KDM5B: variants seen among roughly 807,000 people sequenced by gnomAD.
The protein encoded by KDM5B is lysine demethylase 5B.
Under a neutral mutation model 193.4 loss-of-function variants are expected in KDM5B, and 144 were observed. The observed-to-expected ratio is 0.74, with a 90% CI of 0.65 to 0.86. The LOEUF (loss-of-function observed/expected upper bound fraction) is 0.86, where lower values mean the gene tolerates loss of function less well. KDM5B is among the 40% of genes least tolerant of loss of function. The pLI, the probability that KDM5B is intolerant of heterozygous loss-of-function variation, is 0.00. For synonymous variants in KDM5B, 668 were observed against 682.6 expected (o/e 0.98, Z 0.33); for missense variants, 1,833 against 1,886.9 (o/e 0.97, Z 0.53).
At chr1:202,734,297 T>TAAA (rs35019533) in intron 22 of KDM5B, among the ~76,000 whole-genome samples, 40 of 102,542 alleles carry the variant, frequency 3.9e-4, no homozygotes, top group Admixed American at 1.0e-3. Context: ...TTATCTCTAT[T>TAAA]AAAAAAAAAA....
At chr1:202,778,661 C>T (rs1657063433) in intron 1 of KDM5B, among the ~76,000 whole-genome samples, 2 of 152,152 alleles carry the variant, frequency 1.3e-5, no homozygotes. Flanking sequence ...TTCGCTCTGT[C>T]ACCCAGGCTG....
chr1:202,746,875 C>G (rs1430153000), intron 14 of KDM5B, among the ~76,000 whole-genome samples: 1 of 152,120 alleles, frequency 6.6e-6, no homozygotes, highest in Non-Finnish European at 1.5e-5. Context: ...AAAATTTGTG[C>G]AATAGCAAAG....
intron 11 of KDM5B, among the ~76,000 whole-genome samples, 189 bp downstream of exon 11, chr1:202,755,082 G>T (rs1433883685): frequency 5.9e-5 from 9 of 152,198 alleles, no homozygotes; most frequent in Non-Finnish European, 2.9e-5. Context: ...GGAATTCATG[G>T]ATGCTCTAGG....
In KDM5B at chr1:202,808,261, C is replaced by T; in HGVS notation, c.45G>A (p.Leu15=). 1 of 1,609,750 alleles carries T rather than the reference C, an allele frequency of 6.2e-7. No individual in the cohort carries two copies. The highest frequency in any genetic ancestry group is 8.5e-7 in the Non-Finnish European group (1 of 1,178,612). The change falls in exon 1 of 27, where the codon CTG becomes CTA. Residue 15 remains leucine, a synonymous_variant. Coordinates refer to ENST00000367265, the MANE Select transcript of KDM5B (RefSeq NM_006618.5). The stretch of plus-strand genomic sequence containing the variant: ...CCAGCGGGCCCGGGCCCCCGAGGGG[C>T]AGCGCCGGGCGCGGGCCTGGGTGCA... ...TTLHPGPRPA[L]PLGGPGPLGE...
intron 4 of KDM5B, among the ~76,000 whole-genome samples, chr1:202,769,757 A>G (rs1656635122): frequency 6.6e-6 from 1 of 151,570 alleles, no homozygotes; most frequent in Non-Finnish European, 1.5e-5. Flanking sequence ...TTTTGAAAAA[A>G]TTTGTATAGA....
intron 1 of KDM5B, among the ~76,000 whole-genome samples, chr1:202,780,434 C>T (rs1272113681): frequency 6.6e-6 from 1 of 152,170 alleles, no homozygotes; most frequent in Non-Finnish European, 1.5e-5. Flanking sequence ...AAATGATCCA[C>T]CTGCCTAAGC....
At chr1:202,742,987 G>A (rs763200670) in intron 16 of KDM5B, among the ~76,000 whole-genome samples, 182 bp from the exon 17 acceptor site, 8 of 152,024 alleles carry the variant, frequency 5.3e-5, no homozygotes, top group Non-Finnish European at 8.8e-5. Flanking sequence ...GGCTGAACAC[G>A]GAGTTTTTTA....
intron 1 of KDM5B, among the ~76,000 whole-genome samples, chr1:202,793,650 T>C (rs985122199): frequency 6.6e-6 from 1 of 152,198 alleles, no homozygotes; most frequent in African/African-American, 2.4e-5. Context: ...CTCTATTCTT[T>C]CCACAAAATC....
chr1:202,798,386 GCA>G (rs1474009710), intron 1 of KDM5B, among the ~76,000 whole-genome samples: 1 of 145,470 alleles, frequency 6.9e-6, no homozygotes, highest in Non-Finnish European at 1.5e-5. Flanking sequence ...CCTCCCACCT[GCA>G]CCTCCCCAAG....
intron 1 of KDM5B, chr1:202,807,218 C>G (rs1658332532): frequency 6.6e-6 from 1 of 152,294 alleles, no homozygotes; most frequent in African/African-American, 2.4e-5. Flanking sequence ...CAAACACGGC[C>G]TCGCCCGGAC....
intron 4 of KDM5B, among the ~76,000 whole-genome samples, chr1:202,771,420 T>C (rs544022642): frequency 6.3e-4 from 96 of 151,420 alleles, no homozygotes; most frequent in Non-Finnish European, 1.0e-3. Flanking sequence ...TTTGTATTTT[T>C]AGTAAATGCG....
rs1413245352 is a variant in KDM5B at position 202,727,932 on chromosome 1, C to G, written c.*1104G>C. 2 of 152,654 alleles carry G rather than the reference C, an allele frequency of 1.3e-5. No individual in the cohort carries two copies. Among genetic ancestry groups the G allele is most frequent in the African/African-American group, 2.4e-5 (1 of 41,450 alleles). The allele number at this position is 152,654 out of a possible 1,614,324, so 9.5% of individuals were successfully genotyped here. On this transcript the variant is annotated 3_prime_UTR_variant, in exon 27 of 27. Coordinates refer to ENST00000367265, the MANE Select transcript of KDM5B (RefSeq NM_006618.5). ...GTGATTTGCCAACATTCTGAGAAAG[C>G]TTATTTTAAAAGAGCACGGCTTTAA... is the stretch of plus-strand genomic sequence containing the variant.
chr1:202,770,429 C>T (rs1558503701), intron 4 of KDM5B, among the ~76,000 whole-genome samples: 2 of 152,150 alleles, frequency 1.3e-5, no homozygotes, highest in African/African-American at 2.4e-5. Context: ...TTACTGTACA[C>T]CTCTGTTTTT....
At chr1:202,765,208 T>C (rs540218142) in intron 5 of KDM5B, among the ~76,000 whole-genome samples, 2 of 146,902 alleles carry the variant, frequency 1.4e-5, no homozygotes, top group African/African-American at 4.9e-5. Flanking sequence ...TAATTTTCCA[T>C]AAATTATTTT....
chr1:202,780,734 G>T (rs61010344), intron 1 of KDM5B, among the ~76,000 whole-genome samples: 8 of 138,950 alleles, frequency 5.8e-5, no homozygotes, highest in South Asian at 4.5e-4. Context: ...TAAAAAACTA[G>T]AACAAAAACA....
rs769467161 is a variant in KDM5B, at chr1:202,777,026, A to G, written c.273T>C (p.Asn91=). The part of the protein sequence containing the change: ...LHFTPRIQRL[N]ELEAQTRVKL... ...ATAGTGAAGACATTACCTCCAATTC[A>G]TTCAGTCTCTGGATACGTGGCGTAA... Residue 91 remains asparagine (N), a synonymous_variant, in exon 2 of 27, where the codon AAT becomes AAC. Transcript: ENST00000367265. 3.9e-5 allele frequency: 63 copies of G among 1,609,138 alleles called. No homozygotes were observed. The highest frequency in any genetic ancestry group is 5.2e-5 in the Non-Finnish European group (61 of 1,175,574).
At chr1:202,743,806 C>G (rs993718404) in intron 16 of KDM5B, among the ~76,000 whole-genome samples, 10 of 152,292 alleles carry the variant, frequency 6.6e-5, no homozygotes, top group African/African-American at 2.2e-4. Context: ...AAGATTAAAA[C>G]TGGACCCCTT....
intron 16 of KDM5B, 129 bp downstream of exon 16, chr1:202,745,729 G>T: frequency 3.0e-6 from 3 of 991,036 alleles, no homozygotes; most frequent in Non-Finnish European, 4.7e-6. Context: ...TCTGTAAACC[G>T]GGCTATGTAG....
intron 1 of KDM5B, among the ~76,000 whole-genome samples, chr1:202,799,463 G>C (rs1269595135): frequency 6.6e-6 from 1 of 152,158 alleles, no homozygotes; most frequent in African/African-American, 2.4e-5. Flanking sequence ...AGACCAGCCT[G>C]ACCAAGATGG....
Sources: gnomAD v4.1 joint callset for allele counts (sites outside exome capture counted in the v4.1 genomes callset) on GRCh38, gnomAD v4.1.1 for gene constraint, MANE v1.5 for transcripts, NCBI Gene and HGNC (gene_info 2026-07-23, HGNC 2026-07-21) for gene names.